SPPL3: variants seen among roughly 807,000 people sequenced by gnomAD.
SPPL3 encodes signal peptide peptidase like 3, also known as signal peptide peptidase-like 3.
In SPPL3, 5 loss-of-function variants were observed where a neutral mutation model predicts 42.4. The observed-to-expected ratio is 0.12, with a 90% CI of 0.06 to 0.25. SPPL3 has a LOEUF of 0.25. SPPL3 is among the 10% of genes least tolerant of loss of function. The pLI, the probability that SPPL3 is intolerant of heterozygous loss-of-function variation, is 1.00. For synonymous variants in SPPL3, 195 were observed against 181.8 expected, an observed-to-expected ratio of 1.07 and a Z score of -0.58; for missense variants, 235 against 489.0, an observed-to-expected ratio of 0.48 and a Z score of 4.90.
intron 1 of SPPL3, among the ~76,000 whole-genome samples, chr12:120,842,439 G>C (rs1206599140): frequency 6.6e-6 from 1 of 152,158 alleles, no homozygotes; most frequent in Non-Finnish European, 1.5e-5. Context: ...CAAAAACATG[G>C]TCCTGAAGAA....
chr12:120,808,647 C>T (rs1415559917), intron 2 of SPPL3, among the ~76,000 whole-genome samples: 2 of 152,040 alleles, frequency 1.3e-5, no homozygotes, highest in African/African-American at 4.8e-5. Context: ...TCCACTTGTC[C>T]AACAAGAGTG....
chr12:120,881,802 A>AC (rs921774454), intron 1 of SPPL3, among the ~76,000 whole-genome samples: 11 of 149,320 alleles, frequency 7.4e-5, no homozygotes, highest in South Asian at 6.3e-4. Context: ...GCCAATAACA[A>AC]AAAAAAAAAG....
chr12:120,868,129 A>G (rs990294220), intron 1 of SPPL3, among the ~76,000 whole-genome samples: 82 of 152,114 alleles, frequency 5.4e-4, no homozygotes, highest in African/African-American at 2.0e-3. Context: ...GGTGGTGTGT[A>G]CCTATAATCC....
At chr12:120,775,575 G>C (rs1375571610) in intron 6 of SPPL3, among the ~76,000 whole-genome samples, 2 of 152,206 alleles carry the variant, frequency 1.3e-5, no homozygotes, top group Non-Finnish European at 2.9e-5. Context: ...TCAAGATTCT[G>C]TTAGTCCCTG....
chr12:120,890,514 G>C (rs1027094851), intron 1 of SPPL3, among the ~76,000 whole-genome samples: 1 of 149,994 alleles, frequency 6.7e-6, no homozygotes, highest in Admixed American at 6.7e-5. Flanking sequence ...GCTTGAATCT[G>C]GAAGGCGGAG....
At chr12:120,774,660 C>T (rs1345041517) in intron 6 of SPPL3, among the ~76,000 whole-genome samples, 3 of 151,736 alleles carry the variant, frequency 2.0e-5, no homozygotes, top group African/African-American at 7.3e-5. Flanking sequence ...TCTGACCCAG[C>T]GAACACTGCC....
chr12:120,857,902 A>C (rs1189190482), intron 1 of SPPL3, among the ~76,000 whole-genome samples: 1 of 152,206 alleles, frequency 6.6e-6, no homozygotes, highest in Non-Finnish European at 1.5e-5. Flanking sequence ...CAGGTGCAGC[A>C]AACTACCATG....
At position 120,891,193 on chromosome 12, in the gene SPPL3, A is replaced by C. The variant is rs115857639; in HGVS notation, c.23+12652T>G. Among the ~76,000 whole-genome samples the C allele has an allele frequency of 3.4e-3, 517 of 152,300 alleles. 3 individuals carry two copies. The highest frequency in any genetic ancestry group is 0.012 in the African/African-American group (500 of 41,564). On this transcript the variant is annotated intron_variant, in intron 1 of 10. Coordinates refer to ENST00000353487, the MANE Select transcript of SPPL3 (RefSeq NM_139015.5). ...CTAAGCTGGTTGATAACATCTGCCC[A>C]TGGTTTTATAACCTTTGCTACCCAG... is the stretch of plus-strand genomic sequence containing the variant.
At chr12:120,869,123 C>T (rs1194169248) in intron 1 of SPPL3, among the ~76,000 whole-genome samples, 2 of 152,122 alleles carry the variant, frequency 1.3e-5, no homozygotes, top group Non-Finnish European at 2.9e-5. Flanking sequence ...AGCACCAATA[C>T]ACTAGGAAAT....
intron 1 of SPPL3, among the ~76,000 whole-genome samples, chr12:120,870,988 G>A (rs1374166800): frequency 6.6e-6 from 1 of 151,660 alleles, no homozygotes; most frequent in Non-Finnish European, 1.5e-5. Context: ...AAAACAGCCG[G>A]GCATGGCGCC....
chr12:120,769,070 G>C lies in SPPL3; in HGVS notation c.503-11C>G. ...GGCCCATGGCCAGTGCTGGGGAGGA[G>C]ACAGGGTACAGCAGACAGCAGTCAG... On this transcript the variant is annotated splice_polypyrimidine_tract_variant and intron_variant, in intron 6 of 10. Coordinates refer to ENST00000353487, the MANE Select transcript of SPPL3 (RefSeq NM_139015.5). 1 of 1,596,184 alleles carries C rather than the reference G, an allele frequency of 6.3e-7. No homozygotes were observed. The highest frequency in any genetic ancestry group is 8.5e-7 in the Non-Finnish European group (1 of 1,170,820).
intron 1 of SPPL3, among the ~76,000 whole-genome samples, chr12:120,878,421 A>G (rs1873179355): frequency 6.6e-6 from 1 of 152,262 alleles, no homozygotes; most frequent in Non-Finnish European, 1.5e-5. Context: ...GATTAGCCCT[A>G]CTGAATACTA....
At chr12:120,887,792 C>T (rs1171281518) in intron 1 of SPPL3, among the ~76,000 whole-genome samples, 1 of 152,130 alleles carries the variant, frequency 6.6e-6, no homozygotes, top group East Asian at 1.9e-4. Context: ...ATAAACACTA[C>T]ACAAATAAAA....
At chr12:120,791,580 T>G (rs1869917801) in intron 2 of SPPL3, 23 bp from the exon 3 acceptor site, 1 of 1,527,514 alleles carries the variant, frequency 6.5e-7, no homozygotes, top group African/African-American at 1.4e-5. Context: ...ATTTTGTAGT[T>G]AAGTTGTAGT....
intron 9 of SPPL3, 139 bp downstream of exon 9, chr12:120,767,255 G>A (rs1045235988): frequency 8.2e-6 from 7 of 849,754 alleles, no homozygotes; most frequent in East Asian, 2.7e-5. Context: ...AGCATCTCAC[G>A]GGCCAGGCTG....
chr12:120,874,051 C>A (rs1328892371), intron 1 of SPPL3, among the ~76,000 whole-genome samples: 1 of 152,048 alleles, frequency 6.6e-6, no homozygotes, highest in African/African-American at 2.4e-5. Flanking sequence ...TGAGATAATT[C>A]ATTATCAGCA....
chr12:120,879,840 T>C (rs1041974945), intron 1 of SPPL3, among the ~76,000 whole-genome samples: 2 of 152,112 alleles, frequency 1.3e-5, no homozygotes, highest in Non-Finnish European at 2.9e-5. Context: ...TGCAGTCAAA[T>C]GTGGATTTAA....
intron 1 of SPPL3, among the ~76,000 whole-genome samples, chr12:120,841,091 T>C (rs1446600429): frequency 6.6e-5 from 10 of 152,142 alleles, no homozygotes; most frequent in Admixed American, 6.5e-4. Context: ...TTTGGGAAGC[T>C]GAGACAGGTG....
chr12:120,765,113 G>T, intron 10 of SPPL3, 43 bp from the exon 11 acceptor site: 1 of 1,597,418 alleles, frequency 6.3e-7, no homozygotes. Flanking sequence ...TTAAACATGA[G>T]GCACACACAG....
Sources: allele counts gnomAD v4.1 joint callset (sites outside exome capture counted in the v4.1 genomes callset), GRCh38; gene constraint gnomAD v4.1.1; transcripts MANE v1.5; gene names NCBI Gene and HGNC (gene_info 2026-07-23, HGNC 2026-07-21).